Variants in CC2D2B observed in about 807,000 individuals in gnomAD.
CC2D2B encodes the protein coiled-coil and C2 domain containing 2B.
In CC2D2B, 128 loss-of-function variants were observed where a neutral mutation model predicts 161.2. That is an observed-to-expected ratio of 0.79 (90% confidence interval 0.69 to 0.92). The LOEUF (loss-of-function observed/expected upper bound fraction) is 0.92, where lower values mean the gene tolerates loss of function less well. Ranked by LOEUF, CC2D2B falls within the 40% of genes least tolerant of loss-of-function variation. The probability of loss-of-function intolerance (pLI) is 0.00; values close to 1 mark genes in which losing one functional copy is unlikely to be tolerated. For missense variants in CC2D2B, 1,173 were observed against 1,375.1 expected (o/e 0.85, Z 2.32); for synonymous variants, 391 against 449.8 (o/e 0.87, Z 1.65).
At chr10:96,028,516 A>C (rs2079881596) in intron 34 of CC2D2B, among the ~76,000 whole-genome samples, 1 of 152,210 alleles carries the variant, frequency 6.6e-6, no homozygotes, top group South Asian at 2.1e-4. Context: ...ACCTTTGTAC[A>C]CCGTTAGTGG....
In CC2D2B at chr10:96,025,190, AAAATAT is replaced by A. The variant is rs1201523438; in HGVS notation, c.3947+281_3947+286del. 2.7e-3 allele frequency among the ~76,000 whole-genome samples: 145 copies of A among 52,924 alleles called. 3 individuals are homozygous for A. The highest frequency in any genetic ancestry group is 8.1e-3 in the Middle Eastern group (1 of 124). 34.7% of individuals were successfully genotyped at this position (52,924 alleles called of 152,430 possible). A position where few individuals can be genotyped will look rare whatever the true frequency, so the allele number is the denominator to read the frequency against. On this transcript the variant is annotated intron_variant, in intron 33 of 34. Transcript: ENST00000646931. ...ATATATATATATATATATATAAAAA[AAAATAT>A]ATATATATATATATATATATATATA...
intron 22 of CC2D2B, among the ~76,000 whole-genome samples, chr10:95,993,952 G>GTA (rs1169560460): frequency 1.0e-3 from 19 of 18,174 alleles, no homozygotes; most frequent in Admixed American, 2.5e-3. Flanking sequence ...GTATGTATGT[G>GTA]TATATATATA....
intron 6 of CC2D2B, among the ~76,000 whole-genome samples, 199 bp from the exon 7 acceptor site, chr10:95,937,792 A>G (rs1197000030): frequency 2.0e-5 from 3 of 152,194 alleles, no homozygotes; most frequent in Admixed American, 6.5e-5. Context: ...TAGAAAAATC[A>G]TATTGTGTAA....
chr10:95,975,732 A>G (rs1395620169), intron 17 of CC2D2B, among the ~76,000 whole-genome samples: 1 of 152,212 alleles, frequency 6.6e-6, no homozygotes, highest in Non-Finnish European at 1.5e-5. Context: ...GAAAACAGAA[A>G]TGGAACTTTG....
intron 34 of CC2D2B, among the ~76,000 whole-genome samples, chr10:96,029,304 A>C (rs1235601746): frequency 1.7e-5 from 2 of 116,466 alleles, no homozygotes; most frequent in South Asian, 2.7e-4. Context: ...ATATATATAT[A>C]TGTATATCTA....
chr10:95,938,089 T>C lies in CC2D2B; in HGVS notation c.435T>C (p.Ile145=), dbSNP rs868533554. The C allele has an allele frequency of 6.5e-7, 1 of 1,549,536 alleles. No homozygotes were observed. The change falls in exon 7 of 35, where the codon ATT becomes ATC. Residue 145 remains isoleucine (I), a synonymous_variant. Transcript: ENST00000646931. ...SEEEEFMKEF[I]LTDILKVKAA... ...AGGAAGAGTTTATGAAAGAATTCAT[T>C]TTGACAGATATACTCAAAGTAAAAG...
Position 96,032,763 on chromosome 10 carries a change from G to A in CC2D2B, c.*755G>A, listed in dbSNP as rs182803279. On this transcript the variant is annotated 3_prime_UTR_variant, in exon 35 of 35. Transcript: ENST00000646931. ...AAATTCTTACAGCTCCATGTATTTG[G>A]AAGGAACTCCCAGGAAACTCTAATT... 2,438 of 469,144 alleles carry A rather than the reference G, an allele frequency of 5.2e-3. 20 individuals are homozygous for A. The highest frequency in any genetic ancestry group is 0.014 in the Middle Eastern group (44 of 3,064). The allele number at this position is 469,144 out of a possible 1,614,324, so 29.1% of individuals were successfully genotyped here. A position where few individuals can be genotyped will look rare whatever the true frequency, so the allele number is the denominator to read the frequency against.
At position 96,009,865 on chromosome 10, in the gene CC2D2B, G is replaced by A; in HGVS notation, c.2987G>A (p.Arg996Lys). 1.2e-6 allele frequency: 2 copies of A among 1,609,620 alleles called. No homozygotes were observed. Among genetic ancestry groups the A allele is most frequent in the Non-Finnish European group, 1.7e-6 (2 of 1,177,086 alleles). The change falls in exon 26 of 35, where the codon AGA becomes AAA. Residue 996 changes from arginine (R) to lysine (K), a missense_variant. Around this residue, in one of 3 missense-constraint regions of CC2D2B, gnomAD observed 598 missense variants for 693.2 expected, o/e 0.86. Transcript: ENST00000646931. The stretch of plus-strand genomic sequence containing the variant: ...AGCTGTAGTGGTCACTCATATATAA[G>A]AAAGAATTGGCTTGGATGCATTGTC... ...LKSCSGHSYI[R>K]KNWLGCIVFP...
intron 20 of CC2D2B, among the ~76,000 whole-genome samples, chr10:95,989,535 G>A (rs1441180311): frequency 1.3e-5 from 2 of 152,110 alleles, no homozygotes; most frequent in African/African-American, 2.4e-5. Flanking sequence ...TTGTGGTCTC[G>A]GGAAATAAAG....
At chr10:95,926,815 AGTGTGTGTGT>A (rs71486778) in intron 5 of CC2D2B, among the ~76,000 whole-genome samples, 10 of 134,944 alleles carry the variant, frequency 7.4e-5, no homozygotes, top group African/African-American at 2.2e-4. Context: ...CTGAGGTGGC[AGTGTGTGTGT>A]GTGTGTGTGT....
intron 17 of CC2D2B, among the ~76,000 whole-genome samples, chr10:95,980,660 A>C (rs1446261508): frequency 2.0e-5 from 3 of 152,138 alleles, no homozygotes. Flanking sequence ...AGAATATGCA[A>C]ACTTCACCTG....
At position 96,032,551 on chromosome 10, in the gene CC2D2B, A is replaced by T. The variant is rs1242160125; in HGVS notation, c.*543A>T. On this transcript the variant is annotated 3_prime_UTR_variant, in exon 35 of 35. Transcript: ENST00000646931. ...TTGTCACTACTAAACTAAGGCTGGT[A>T]CGTTTGATGCTGGGTCTGATACAAT... The T allele has an allele frequency of 3.3e-6, 1 of 303,062 alleles. No individual in the cohort carries two copies. The highest frequency in any genetic ancestry group is 6.6e-6 in the Non-Finnish European group (1 of 151,416). The allele number at this position is 303,062 out of a possible 1,614,324, so 18.8% of individuals were successfully genotyped here. A position where few individuals can be genotyped will look rare whatever the true frequency, so the allele number is the denominator to read the frequency against.
At chr10:95,962,802 G>A (rs1253524029) in intron 12 of CC2D2B, among the ~76,000 whole-genome samples, 1 of 148,698 alleles carries the variant, frequency 6.7e-6, no homozygotes, top group Non-Finnish European at 1.5e-5. Flanking sequence ...GCTCTGGACG[G>A]TTTCTAAACC....
chr10:95,999,084 G>GA (rs2078355442), intron 24 of CC2D2B, among the ~76,000 whole-genome samples: 1 of 151,680 alleles, frequency 6.6e-6, no homozygotes, highest in African/African-American at 2.4e-5. Context: ...CCGTCTCAAA[G>GA]AAAAAAACAA....
chr10:95,971,363 T>C (rs1056273149), intron 15 of CC2D2B, among the ~76,000 whole-genome samples: 3 of 140,208 alleles, frequency 2.1e-5, no homozygotes, highest in Non-Finnish European at 4.6e-5. Context: ...CAATCCAGCC[T>C]GGGCAACAGA....
chr10:95,954,288 T>C (rs1353000100), intron 10 of CC2D2B, among the ~76,000 whole-genome samples: 1 of 152,202 alleles, frequency 6.6e-6, no homozygotes, highest in Non-Finnish European at 1.5e-5. Flanking sequence ...CTAGAGTTTA[T>C]ATCTGTGTCT....
intron 9 of CC2D2B, among the ~76,000 whole-genome samples, chr10:95,943,453 T>C (rs539344058): frequency 6.6e-6 from 1 of 152,328 alleles, no homozygotes; most frequent in South Asian, 2.1e-4. Context: ...CTAGTTGCTC[T>C]GCCTCTTTTA....
chr10:95,994,778 AAG>A (rs1449819422), intron 22 of CC2D2B, among the ~76,000 whole-genome samples: 20 of 152,226 alleles, frequency 1.3e-4, no homozygotes, highest in Admixed American at 3.9e-4. Context: ...GTAATACAAA[AAG>A]AGTAATATTA....
intron 25 of CC2D2B, among the ~76,000 whole-genome samples, chr10:96,006,369 T>C (rs773353128): frequency 1.3e-5 from 2 of 149,228 alleles, no homozygotes; most frequent in African/African-American, 4.9e-5. Flanking sequence ...AATATATATA[T>C]ACATAACATT....
Sources: allele counts gnomAD v4.1 joint callset (sites outside exome capture counted in the v4.1 genomes callset), GRCh38; gene constraint gnomAD v4.1.1; regional missense constraint gnomAD v4.1.1; transcripts MANE v1.5; gene names NCBI Gene and HGNC (gene_info 2026-07-23, HGNC 2026-07-21).